RGPD4: variants seen among roughly 807,000 people sequenced by gnomAD.
The protein encoded by RGPD4 is RANBP2 like and GRIP domain containing 4.
A neutral mutation model predicts 141.1 loss-of-function variants in RGPD4; 84 were observed. The observed-to-expected ratio is 0.60, with a 90% confidence interval of 0.50 to 0.71. The LOEUF (loss-of-function observed/expected upper bound fraction) is 0.71, where lower values mean the gene tolerates loss of function less well. RGPD4 is among the 30% of genes least tolerant of loss of function. The pLI is 0.00. For synonymous variants in RGPD4, 298 were observed against 566.8 expected (o/e 0.53, Z 6.74); for missense variants, 918 against 1,622.4 (o/e 0.57, Z 7.46).
At chr2:107,867,322 T>C (rs903240023) in intron 18 of RGPD4, among the ~76,000 whole-genome samples, 1 of 152,200 alleles carries the variant, frequency 6.6e-6, no homozygotes, top group African/African-American at 2.4e-5. Context: ...AAATCTGGTT[T>C]AGATGAGCAC....
At position 107,871,725 on chromosome 2, in the gene RGPD4, G is replaced by A. The variant is rs1219286858; in HGVS notation, c.3721G>A (p.Glu1241Lys). 6.2e-7 allele frequency: 1 copy of A among 1,610,796 alleles called. No homozygotes were observed. Among genetic ancestry groups the A allele is most frequent in the Non-Finnish European group, 8.5e-7 (1 of 1,179,776 alleles). ...ASDTTIKPNP[E>K]NTGPTLEWDN... ...AGACACAACAATAAAACCCAATCCT[G>A]AAAACACTGGGCCCACATTAGAATG... is the stretch of plus-strand genomic sequence containing the variant. The change falls in exon 20 of 23, where the codon GAA (glutamate) becomes AAA (lysine). Residue 1241 changes from glutamate (E) to lysine (K), a missense_variant. Coordinates refer to ENST00000408999, the MANE Select transcript of RGPD4 (RefSeq NM_182588.3).
intron 1 of RGPD4, 79 bp from the exon 2 acceptor site, chr2:107,836,523 G>T: frequency 2.4e-6 from 3 of 1,269,202 alleles, no homozygotes; most frequent in Non-Finnish European, 3.2e-6. Flanking sequence ...ATAAACTTAG[G>T]GCAGATTTTT....
intron 21 of RGPD4, among the ~76,000 whole-genome samples, chr2:107,881,896 G>C (rs1171863189): frequency 1.3e-5 from 2 of 151,588 alleles, no homozygotes; most frequent in African/African-American, 2.4e-5. Context: ...CTGAACTTTT[G>C]ATTAAGTGCC....
At chr2:107,883,625 CAA>C (rs1191898384) in intron 22 of RGPD4, among the ~76,000 whole-genome samples, 2 of 38,862 alleles carry the variant, frequency 5.1e-5, no homozygotes, top group Non-Finnish European at 4.8e-5. Context: ...GACTCCATCT[CAA>C]AAAAAAAAAA....
At position 107,890,829 on chromosome 2, in the gene RGPD4, C is replaced by T. The variant is rs1224495304; in HGVS notation, c.*98C>T. On this transcript the variant is annotated 3_prime_UTR_variant, in exon 23 of 23. Transcript: ENST00000408999. ...AATATTTTTATTAACCAAATAAAATCTATTTACAAAAATGGTTCATGTGTA... is the reference window on the plus strand; with the variant it reads ...AATATTTTTATTAACCAAATAAAATTTATTTACAAAAATGGTTCATGTGTA... 2.0e-6 allele frequency: 3 copies of T among 1,534,430 alleles called. No individual in the cohort carries two copies. In the African/African-American group the frequency reaches 4.2e-5, roughly 21 times the overall value.
intron 10 of RGPD4, 26 bp downstream of exon 10, chr2:107,859,321 A>C: frequency 6.3e-7 from 1 of 1,575,720 alleles, no homozygotes; most frequent in Non-Finnish European, 8.6e-7. Flanking sequence ...AACAAATTAA[A>C]TATTCTGAAT....
chr2:107,884,375 C>G (rs1169850386), intron 22 of RGPD4, among the ~76,000 whole-genome samples: 1 of 152,210 alleles, frequency 6.6e-6, no homozygotes, highest in Admixed American at 6.5e-5. Context: ...GCTGGGATTA[C>G]AGGTGTGAGA....
At chr2:107,830,007 C>T (rs1367650015) in intron 1 of RGPD4, among the ~76,000 whole-genome samples, 2 of 152,064 alleles carry the variant, frequency 1.3e-5, no homozygotes, top group Non-Finnish European at 2.9e-5. Context: ...GGCATCTCAG[C>T]GCGGACATTT....
chr2:107,885,737 T>TACCTTAC (rs1675492517), intron 22 of RGPD4, among the ~76,000 whole-genome samples: 1 of 152,096 alleles, frequency 6.6e-6, no homozygotes, highest in Admixed American at 6.5e-5. Context: ...CAGATTTAGA[T>TACCTTAC]ACCTTACATT....
intron 7 of RGPD4, among the ~76,000 whole-genome samples, chr2:107,849,473 T>C (rs1490275720): frequency 1.6e-5 from 2 of 128,726 alleles, no homozygotes; most frequent in East Asian, 4.5e-4. Context: ...TTCACGCCAT[T>C]TTCCTGCCTC....
Position 107,859,359 on chromosome 2 carries a change from C to G in RGPD4, c.1459-20C>G. ...TGTTTAATTTTTTTTTCTAACTTAA[C>G]TTTTCCTTAAATAAAACAGGTATTT... On this transcript the variant is annotated intron_variant, in intron 10 of 22. Coordinates refer to ENST00000408999, the MANE Select transcript of RGPD4 (RefSeq NM_182588.3). 6.3e-7 allele frequency: 1 copy of G among 1,596,424 alleles called. No individual in the cohort carries two copies. The highest frequency in any genetic ancestry group is 8.5e-7 in the Non-Finnish European group (1 of 1,175,456).
In RGPD4 at chr2:107,871,805, A is replaced by C. The variant is rs764198929; in HGVS notation, c.3801A>C (p.Ser1267=). 6.2e-7 allele frequency: 1 copy of C among 1,611,618 alleles called. No homozygotes were observed. The highest frequency in any genetic ancestry group is 2.2e-5 in the East Asian group (1 of 44,880). ...TGGATGATAGTGTCAGTAGTAGCTC[A>C]GTACATGCTTCTCCATTGGCAAGTA... ...DALDDSVSSS[S]VHASPLASSP... Residue 1267 remains serine (S), a synonymous_variant, in exon 20 of 23, where the codon TCA becomes TCC. Transcript: ENST00000408999.
At chr2:107,865,732 C>A in intron 17 of RGPD4, among the ~76,000 whole-genome samples, 1 of 150,244 alleles carries the variant, frequency 6.7e-6, no homozygotes, top group East Asian at 2.0e-4. Flanking sequence ...ATTTTAAAAT[C>A]AGCACCAGGT....
intron 22 of RGPD4, among the ~76,000 whole-genome samples, chr2:107,884,081 G>C (rs1430798433): frequency 6.6e-6 from 1 of 151,474 alleles, no homozygotes. Flanking sequence ...TATTGCATTT[G>C]GTTGATGTTC....
In RGPD4 at chr2:107,877,968, G is replaced by A. The variant is rs193033218; in HGVS notation, c.4925-2000G>A. Reference sequence around the variant, plus strand: ...GCTGGGATTACAGGCACCTGCCACCGTGCCTGGCTAATTTTTGCATTTTTA... The same window carrying A: ...GCTGGGATTACAGGCACCTGCCACCATGCCTGGCTAATTTTTGCATTTTTA... On this transcript the variant is annotated intron_variant, in intron 20 of 22. Coordinates refer to ENST00000408999, the MANE Select transcript of RGPD4 (RefSeq NM_182588.3). Among the ~76,000 whole-genome samples, 160 of 151,076 alleles carry A rather than the reference G, an allele frequency of 1.1e-3. No individual in the cohort carries two copies. In the East Asian group the frequency reaches 0.028, roughly 26 times the overall value.
In RGPD4 at chr2:107,838,813, G is replaced by A. The variant is rs767031311; in HGVS notation, c.254G>A (p.Arg85His). The A allele has an allele frequency of 1.5e-5, 15 of 971,910 alleles. 4 individuals are homozygous for A. Among genetic ancestry groups the A allele is most frequent in the East Asian group, 5.2e-5 (2 of 38,636 alleles). 60.2% of individuals were successfully genotyped at this position (971,910 alleles called of 1,614,324 possible). A position where few individuals can be genotyped will look rare whatever the true frequency, so the allele number is the denominator to read the frequency against. Reference protein sequence around the residue: ...NTEKAVECYRRSVELNPTQKD... With the variant: ...NTEKAVECYRHSVELNPTQKD... ...CTTTAATTTCTTTTCTGATATTAGC[G>A]TTCAGTGGAATTAAACCCAACACAA... The change falls in exon 4 of 23, where the codon CGT becomes CAT. Residue 85 changes from arginine to histidine, a missense_variant and splice_region_variant. Arg to His is a conservative substitution (Grantham distance 29). Transcript: ENST00000408999.
rs1178729651 is a variant in RGPD4 at position 107,827,168 on chromosome 2, GCTCA to G, written c.72+84_72+87del. On this transcript the variant is annotated intron_variant, in intron 1 of 22. Transcript: ENST00000408999. ...ACCTGGCCCGGCGGCGGCCTCGATGGCTCAGGCGTCATGGCTCCCGACCGGCGCT... is the reference window on the plus strand; with the variant it reads ...ACCTGGCCCGGCGGCGGCCTCGATGGGGCGTCATGGCTCCCGACCGGCGCT... 29 of 476,116 alleles carry G rather than the reference GCTCA, an allele frequency of 6.1e-5. No individual in the cohort carries two copies. The African/African-American group carries it at 8.8e-4, about 15-fold the overall frequency. 29.5% of individuals were successfully genotyped at this position (476,116 alleles called of 1,614,324 possible). A position where few individuals can be genotyped will look rare whatever the true frequency, so the allele number is the denominator to read the frequency against.
Position 107,863,783 on chromosome 2 carries a change from G to A in RGPD4, c.2469+751G>A, listed in dbSNP as rs1225646813. ...GCTGGGATTACAGGTGTAAACCACC[G>A]CACCCAGCCCTTTACTATATTTTTG... On this transcript the variant is annotated intron_variant, in intron 17 of 22. Coordinates refer to ENST00000408999, the MANE Select transcript of RGPD4 (RefSeq NM_182588.3). Among the ~76,000 whole-genome samples the A allele has an allele frequency of 1.1e-4, 16 of 152,030 alleles. No individual in the cohort carries two copies. In the East Asian group the frequency reaches 2.1e-3, roughly 20 times the overall value.
rs747475356 is a variant in RGPD4 at position 107,871,779 on chromosome 2, T to A, written c.3775T>A (p.Leu1259Met). ...WDNCDLREDA[L>M]DDSVSSSSVH... ...TAACTGTGATTTAAGGGAAGATGCT[T>A]TGGATGATAGTGTCAGTAGTAGCTC... The change falls in exon 20 of 23, where the codon TTG (leucine) becomes ATG (methionine). Residue 1259 changes from leucine (L) to methionine (M), a missense_variant. Physicochemically the swap from Leu to Met is conservative, Grantham distance 15. Transcript: ENST00000408999. 15 of 1,611,254 alleles carry A rather than the reference T, an allele frequency of 9.3e-6. No individual in the cohort carries two copies. Among genetic ancestry groups the A allele is most frequent in the African/African-American group, 1.3e-5 (1 of 74,346 alleles).
Sources: gnomAD v4.1 joint callset for allele counts (sites outside exome capture counted in the v4.1 genomes callset) on GRCh38, gnomAD v4.1.1 for gene constraint, MANE v1.5 for transcripts, NCBI Gene and HGNC (gene_info 2026-07-23, HGNC 2026-07-21) for gene names.